YAE1: variants seen among roughly 807,000 people sequenced by gnomAD.
YAE1 encodes protein YAE1 homolog.
In YAE1, 22 loss-of-function variants were observed where a neutral mutation model predicts 23.0. The observed-to-expected ratio is 0.96, with a 90% confidence interval of 0.68 to 1.37. The LOEUF (loss-of-function observed/expected upper bound fraction) is 1.37. Among genes scored for constraint, YAE1 ranks in the 40% most tolerant of loss-of-function variants. YAE1 has a pLI of 0.00. For synonymous variants in YAE1, 101 were observed against 97.0 expected (o/e 1.04, Z -0.24); for missense variants, 260 against 262.1 (o/e 0.99, Z 0.06).
chr7:39,607,016 G>T (rs983255752), intron 2 of YAE1, among the ~76,000 whole-genome samples: 2 of 152,154 alleles, frequency 1.3e-5, no homozygotes, highest in Non-Finnish European at 2.9e-5. Flanking sequence ...CAACAATTAT[G>T]TGACATATCC....
chr7:39,567,074 G>A (rs1298724429), intron 1 of YAE1: 1 of 152,398 alleles, frequency 6.6e-6, no homozygotes, highest in Non-Finnish European at 1.5e-5. Context: ...TTTGTTAGAT[G>A]TAACTTTTTC....
chr7:39,610,258 G>T (rs566985647), exon 3 of YAE1: 1 of 544,354 alleles, frequency 1.8e-6, no homozygotes. Context: ...TGTGGGACAA[G>T]CCCAACAAAC....
intron 2 of YAE1, among the ~76,000 whole-genome samples, chr7:39,585,966 G>A (rs117744179): frequency 0.046 from 7,000 of 152,096 alleles, 223 homozygotes; most frequent in South Asian, 0.074. Context: ...TAGGCATGGT[G>A]ATGTGCACCT....
intron 2 of YAE1, among the ~76,000 whole-genome samples, chr7:39,605,703 A>G (rs1036260855): frequency 3.3e-5 from 5 of 152,026 alleles, no homozygotes; most frequent in African/African-American, 1.2e-4. Flanking sequence ...CTCAGCCTCA[A>G]TTATTGCGTG....
rs1055169665 is a variant in YAE1 at position 39,572,267 on chromosome 7, T to C, written c.252-10T>C. On this transcript the variant is annotated splice_polypyrimidine_tract_variant and intron_variant, in intron 2 of 2. Transcript: ENST00000223273. ...TTTGCTATTTAACCCTTGTTTATAC[T>C]TTTGTTCAGTGCTTTGCTCTCCTGG... The C allele has an allele frequency of 1.3e-6, 2 of 1,594,306 alleles. No homozygotes were observed. The highest frequency in any genetic ancestry group is 1.7e-6 in the Non-Finnish European group (2 of 1,170,174).
chr7:39,604,491 A>G (rs1416336837), intron 2 of YAE1, among the ~76,000 whole-genome samples: 1 of 152,230 alleles, frequency 6.6e-6, no homozygotes, highest in Non-Finnish European at 1.5e-5. Context: ...CTCCACTGAT[A>G]TTTGAGTCTC....
At chr7:39,602,152 A>G (rs1262828459) in intron 2 of YAE1, among the ~76,000 whole-genome samples, 1 of 152,248 alleles carries the variant, frequency 6.6e-6, no homozygotes, top group Non-Finnish European at 1.5e-5. Flanking sequence ...AGAGGACTCA[A>G]AGAGACAGCC....
In YAE1 at chr7:39,601,109, C is replaced by G. The variant is rs180817381; in HGVS notation, c.252-8508C>G. On this transcript the variant is annotated intron_variant, in intron 2 of 2. Coordinates refer to the YAE1 transcript ENST00000432096. The stretch of plus-strand genomic sequence containing the variant: ...TTATTTTATGTAAGCAGGCATTATT[C>G]AAACCAAACAAAAGCAAGCACAAAG... 2.4e-3 allele frequency among the ~76,000 whole-genome samples: 364 copies of G among 152,280 alleles called. 2 individuals are homozygous for G. The highest frequency in any genetic ancestry group is 8.3e-3 in the African/African-American group (344 of 41,556).
chr7:39,580,680 G>A (rs911844178), intron 2 of YAE1, among the ~76,000 whole-genome samples: 3 of 152,188 alleles, frequency 2.0e-5, no homozygotes, highest in African/African-American at 7.2e-5. Context: ...ATGGTCACAA[G>A]TACAAGAAGC....
chr7:39,610,203 T>G, exon 3 of YAE1: 6 of 626,746 alleles, frequency 9.6e-6, no homozygotes, highest in Middle Eastern at 7.4e-4. Context: ...AGCAGAGCAA[T>G]ACGAGTCGTT....
At chr7:39,600,947 T>C (rs1384906228) in intron 2 of YAE1, among the ~76,000 whole-genome samples, 1 of 152,178 alleles carries the variant, frequency 6.6e-6, no homozygotes, top group Non-Finnish European at 1.5e-5. Flanking sequence ...ATTTCTGTCG[T>C]TTAAGCCACC....
intron 1 of YAE1, chr7:39,569,910 A>G (rs1790537665): frequency 8.4e-7 from 1 of 1,188,876 alleles, no homozygotes; most frequent in African/African-American, 1.5e-5. Flanking sequence ...AAGAACAGTT[A>G]TTGTAAACTG....
intron 1 of YAE1, chr7:39,570,284 G>C: frequency 3.0e-6 from 2 of 657,254 alleles, no homozygotes; most frequent in South Asian, 4.2e-5. Flanking sequence ...TTTAAAAATT[G>C]CCCGGTAACT....
chr7:39,587,026 C>CTTTA (rs1790829037), intron 2 of YAE1, among the ~76,000 whole-genome samples: 1 of 45,366 alleles, frequency 2.2e-5, no homozygotes, highest in Non-Finnish European at 5.8e-5. Flanking sequence ...TCTTTTCTTT[C>CTTTA]TCTTTCTCTT....
chr7:39,576,964 G>A (rs957398816), downstream of YAE1, among the ~76,000 whole-genome samples: 3 of 151,974 alleles, frequency 2.0e-5, no homozygotes, highest in South Asian at 2.1e-4. Context: ...GCGCAATCTC[G>A]GCTCACTACA....
downstream of YAE1, among the ~76,000 whole-genome samples, chr7:39,576,792 A>C (rs1790662123): frequency 6.6e-6 from 1 of 152,174 alleles, no homozygotes; most frequent in Non-Finnish European, 1.5e-5. Context: ...GTGCTTGATG[A>C]GAGAAAAAAA....
intron 2 of YAE1, among the ~76,000 whole-genome samples, chr7:39,585,816 A>G (rs1790806670): frequency 6.6e-6 from 1 of 152,248 alleles, no homozygotes; most frequent in Non-Finnish European, 1.5e-5. Context: ...CTTAAAAAAT[A>G]TATCTTGATG....
At chr7:39,590,553 A>G (rs748407976) in intron 2 of YAE1, among the ~76,000 whole-genome samples, 7 of 152,240 alleles carry the variant, frequency 4.6e-5, no homozygotes, top group Non-Finnish European at 7.3e-5. Flanking sequence ...GGATATTTGC[A>G]TAAACATAAT....
At chr7:39,594,751 T>C (rs1790952261) in intron 2 of YAE1, among the ~76,000 whole-genome samples, 2 of 152,084 alleles carry the variant, frequency 1.3e-5, no homozygotes, top group African/African-American at 4.8e-5. Context: ...CCCGCCACCA[T>C]GCCTGGCTAA....
Sources: gnomAD v4.1 joint callset for allele counts (sites outside exome capture counted in the v4.1 genomes callset) on GRCh38, gnomAD v4.1.1 for gene constraint, MANE v1.5 for transcripts, NCBI Gene and HGNC (gene_info 2026-07-23, HGNC 2026-07-21) for gene names.